SPATS2L: variants seen among roughly 807,000 people sequenced by gnomAD.
SPATS2L encodes the protein spermatogenesis associated serine rich 2 like, also known as SPATS2-like protein.
In SPATS2L, 30 loss-of-function variants were observed where a neutral mutation model predicts 59.6. That is an observed-to-expected ratio of 0.50 (90% CI 0.38 to 0.68). The LOEUF (loss-of-function observed/expected upper bound fraction) is 0.68, where lower values mean the gene tolerates loss of function less well. SPATS2L is among the 30% of genes least tolerant of loss of function. SPATS2L has a pLI of 0.00. For synonymous variants in SPATS2L, 252 were observed against 263.5 expected (o/e 0.96, Z 0.42); for missense variants, 615 against 700.0 (o/e 0.88, Z 1.37).
At chr2:200,433,912 T>C (rs1389429369) in intron 6 of SPATS2L, among the ~76,000 whole-genome samples, 1 of 151,886 alleles carries the variant, frequency 6.6e-6, no homozygotes, top group Non-Finnish European at 1.5e-5. Flanking sequence ...TTTCAGAAAA[T>C]AGAAAGAAGG....
At chr2:200,319,761 G>A (rs2079503053) in intron 1 of SPATS2L, among the ~76,000 whole-genome samples, 1 of 152,092 alleles carries the variant, frequency 6.6e-6, no homozygotes, top group East Asian at 1.9e-4. Context: ...CGAAGCTAAA[G>A]AAAACTTCCA....
chr2:200,345,595 T>C (rs987377817), intron 2 of SPATS2L, among the ~76,000 whole-genome samples: 4 of 152,186 alleles, frequency 2.6e-5, no homozygotes, highest in African/African-American at 7.2e-5. Context: ...ATCCCAGGTC[T>C]ACACTTTCTA....
At chr2:200,385,051 G>A (rs1174686136) in intron 2 of SPATS2L, among the ~76,000 whole-genome samples, 1 of 152,158 alleles carries the variant, frequency 6.6e-6, no homozygotes, top group Non-Finnish European at 1.5e-5. Flanking sequence ...GGAGAAACCA[G>A]GTTCTTCTCA....
intron 11 of SPATS2L, among the ~76,000 whole-genome samples, chr2:200,470,932 T>G (rs1380496467): frequency 6.6e-6 from 1 of 152,032 alleles, no homozygotes; most frequent in African/African-American, 2.4e-5. Context: ...AAAATAACAC[T>G]CTGATCACCT....
chr2:200,466,817 A>T (rs1019041796), intron 9 of SPATS2L, among the ~76,000 whole-genome samples: 2 of 152,246 alleles, frequency 1.3e-5, no homozygotes, highest in African/African-American at 4.8e-5. Flanking sequence ...TAACACAGCT[A>T]GTCACCCTAA....
intron 2 of SPATS2L, among the ~76,000 whole-genome samples, chr2:200,337,130 A>G (rs1416967968): frequency 6.6e-6 from 1 of 152,190 alleles, no homozygotes; most frequent in Non-Finnish European, 1.5e-5. Flanking sequence ...AGGATGATTT[A>G]TTATTTGTCA....
At chr2:200,445,566 G>A (rs1005802215) in intron 8 of SPATS2L, among the ~76,000 whole-genome samples, 1 of 152,182 alleles carries the variant, frequency 6.6e-6, no homozygotes, top group Admixed American at 6.5e-5. Flanking sequence ...TCCCATATGG[G>A]AAGTTGCCAG....
At chr2:200,325,206 C>A (rs907290944) in intron 1 of SPATS2L, among the ~76,000 whole-genome samples, 9 of 152,070 alleles carry the variant, frequency 5.9e-5, no homozygotes, top group African/African-American at 2.2e-4. Context: ...TAAGGAATGA[C>A]AACATGGAAA....
At chr2:200,313,857 T>C (rs1275054953) in intron 1 of SPATS2L, among the ~76,000 whole-genome samples, 2 of 152,218 alleles carry the variant, frequency 1.3e-5, no homozygotes, top group Non-Finnish European at 2.9e-5. Flanking sequence ...TTTGGTGTTC[T>C]TGACCACTCT....
chr2:200,357,918 T>G (rs2080969919), intron 2 of SPATS2L, among the ~76,000 whole-genome samples: 1 of 152,204 alleles, frequency 6.6e-6, no homozygotes, highest in Non-Finnish European at 1.5e-5. Context: ...AATTTATAAC[T>G]GAAGGCACCC....
intron 2 of SPATS2L, among the ~76,000 whole-genome samples, chr2:200,340,431 G>A (rs149193232): frequency 4.3e-4 from 66 of 152,184 alleles, no homozygotes; most frequent in Non-Finnish European, 7.2e-4. Context: ...CAAGAAACCA[G>A]AAACAAGACA....
chr2:200,319,034 G>T (rs2079471965), intron 1 of SPATS2L, among the ~76,000 whole-genome samples: 1 of 152,188 alleles, frequency 6.6e-6, no homozygotes, highest in Admixed American at 6.5e-5. Flanking sequence ...CCCCAGTGGT[G>T]CACTGAAACC....
At chr2:200,370,478 A>G (rs1418327025) in intron 2 of SPATS2L, among the ~76,000 whole-genome samples, 1 of 152,202 alleles carries the variant, frequency 6.6e-6, no homozygotes, top group African/African-American at 2.4e-5. Flanking sequence ...AGAGAGTGCC[A>G]AAGAATGGGT....
chr2:200,469,995 C>A lies in SPATS2L; in HGVS notation c.1039C>A (p.Gln347Lys). 1 of 1,610,984 alleles carries A rather than the reference C, an allele frequency of 6.2e-7. No homozygotes were observed. Residue 347 changes from glutamine to lysine, a missense_variant, in exon 11 of 13, where the codon CAA becomes AAA. Physicochemically the swap from Gln to Lys is moderately conservative, Grantham distance 53. Coordinates refer to ENST00000409140, the MANE Select transcript of SPATS2L (RefSeq NM_001100423.2). The part of the protein sequence containing the change: ...FSCDIEQLKA[Q>K]IMLCGEITHP... ...CTGTGACATCGAACAGCTGAAGGCC[C>A]AAATCATGCTCTGCGGAGAAAGTGA...
intron 5 of SPATS2L, among the ~76,000 whole-genome samples, chr2:200,416,687 A>AT (rs1278423376): frequency 1.3e-5 from 2 of 152,202 alleles, no homozygotes; most frequent in African/African-American, 4.8e-5. Flanking sequence ...TTTTTTAAGT[A>AT]TAAAGGGGAG....
chr2:200,338,711 T>C (rs536830371), intron 2 of SPATS2L, among the ~76,000 whole-genome samples: 3 of 152,362 alleles, frequency 2.0e-5, no homozygotes, highest in Admixed American at 1.3e-4. Flanking sequence ...TCCTACTTTA[T>C]AGAATTTTGT....
chr2:200,306,160 G>C, upstream of SPATS2L: 1 of 997,376 alleles, frequency 1.0e-6, no homozygotes, highest in Non-Finnish European at 1.2e-6. Context: ...TGATTTTTCA[G>C]GTCATTTTCG....
Position 200,366,250 on chromosome 2 carries a change from A to G in SPATS2L, c.-22-22973A>G, listed in dbSNP as rs987612480. ...ATGGATTAATTATTTCACCCCATCC[A>G]CTTACATACATTAACAGTCAACAGA... On this transcript the variant is annotated intron_variant, in intron 2 of 12. Transcript: ENST00000409140. 1.4e-4 allele frequency among the ~76,000 whole-genome samples: 21 copies of G among 152,198 alleles called. 1 individual carries two copies. Among genetic ancestry groups the G allele is most frequent in the Admixed American group, 6.5e-5 (1 of 15,276 alleles).
intron 1 of SPATS2L, 35 bp from the exon 2 acceptor site, chr2:200,329,396 A>C (rs1435548953): frequency 6.5e-7 from 1 of 1,540,762 alleles, no homozygotes. Context: ...CTAATTTGAG[A>C]CCTGCCTGAC....
Sources: gnomAD v4.1 joint callset for allele counts (sites outside exome capture counted in the v4.1 genomes callset) on GRCh38, gnomAD v4.1.1 for gene constraint, MANE v1.5 for transcripts, NCBI Gene and HGNC (gene_info 2026-07-23, HGNC 2026-07-21) for gene names.